The following RYR2 variants were observed in gnomAD, a reference collection of about 807,000 sequenced individuals.
RYR2 encodes the protein cardiac muscle ryanodine receptor-calcium release channel.
A neutral mutation model predicts 601.1 loss-of-function variants in RYR2; 227 were observed. The ratio of observed to expected loss-of-function variants is 0.38; its 90% CI spans 0.34 to 0.42. The LOEUF (loss-of-function observed/expected upper bound fraction) is 0.42. Among genes scored for constraint, RYR2 ranks in the 10% least tolerant of loss-of-function variants. The pLI, the probability that RYR2 is intolerant of heterozygous loss-of-function variation, is 1.00. For synonymous variants in RYR2, 2,223 were observed against 2,175.1 expected, an observed-to-expected ratio of 1.02 and a Z score of -0.61; for missense variants, 4,646 against 6,156.5, an observed-to-expected ratio of 0.75 and a Z score of 8.21.
chr1:237,767,750 C>A (rs1693952251), intron 84 of RYR2, among the ~76,000 whole-genome samples: 1 of 152,116 alleles, frequency 6.6e-6, no homozygotes, highest in Admixed American at 6.6e-5. Context: ...ATTAAAACTT[C>A]CCACATGGAA....
At chr1:237,604,629 A>G (rs1676897994) in intron 35 of RYR2, among the ~76,000 whole-genome samples, 1 of 152,214 alleles carries the variant, frequency 6.6e-6, no homozygotes, top group African/African-American at 2.4e-5. Context: ...CAATGAATCC[A>G]GGAGCTGGTT....
At chr1:237,758,974 GC>G (rs1693183937) in intron 82 of RYR2, among the ~76,000 whole-genome samples, 1 of 152,164 alleles carries the variant, frequency 6.6e-6, no homozygotes, top group African/African-American at 2.4e-5. Context: ...CATTTTAATA[GC>G]CAAATGATTC....
chr1:237,828,456 C>G lies in RYR2; in HGVS notation c.14655+11C>G. 6.5e-7 allele frequency: 1 copy of G among 1,540,030 alleles called. No homozygotes were observed. Among genetic ancestry groups the G allele is most frequent in the Non-Finnish European group, 8.8e-7 (1 of 1,134,302 alleles). ...AAAGAAGACATGGAGGTAAGCTTCT[C>G]CATTCATGACTCAGCTTCTTTGTTG... On this transcript the variant is annotated intron_variant, in intron 102 of 104. Transcript: ENST00000366574.
At chr1:237,179,650 C>G (rs1007972641) in intron 1 of RYR2, among the ~76,000 whole-genome samples, 1 of 152,126 alleles carries the variant, frequency 6.6e-6, no homozygotes, top group Admixed American at 6.5e-5. Context: ...CATACCGTCT[C>G]TCTGTATCCA....
intron 1 of RYR2, among the ~76,000 whole-genome samples, chr1:237,094,575 T>C (rs188895323): frequency 1.7e-5 from 1 of 58,130 alleles, no homozygotes; most frequent in Non-Finnish European, 4.9e-5. Context: ...TTTATAAATA[T>C]TATTATTATT....
intron 62 of RYR2, among the ~76,000 whole-genome samples, chr1:237,684,168 T>A (rs1278399249): frequency 6.6e-6 from 1 of 151,754 alleles, no homozygotes; most frequent in Non-Finnish European, 1.5e-5. Flanking sequence ...ACTCCTGACC[T>A]CAGGTGATCC....
rs144713244 is a variant in RYR2, at chr1:237,299,239, C to T, written c.168+28623C>T. Among the ~76,000 whole-genome samples the T allele has an allele frequency of 1.5e-3, 230 of 150,882 alleles. 1 individual carries two copies. The highest frequency in any genetic ancestry group is 5.3e-3 in the African/African-American group (220 of 41,308). ...AATGCTATTGCCTTTTCTTTTCCCT[C>T]TTCTTTATTCTCATGGTAGAATTAA... On this transcript the variant is annotated intron_variant, in intron 2 of 104. Coordinates refer to ENST00000366574, the MANE Select transcript of RYR2 (RefSeq NM_001035.3).
chr1:237,553,283 A>G (rs574933715), intron 27 of RYR2, among the ~76,000 whole-genome samples: 1 of 152,156 alleles, frequency 6.6e-6, no homozygotes, highest in East Asian at 1.9e-4. Context: ...CATTTGTTGC[A>G]CAGATGAATA....
chr1:237,456,829 C>A, intron 16 of RYR2, 94 bp downstream of exon 16: 2 of 1,384,522 alleles, frequency 1.4e-6, no homozygotes, highest in East Asian at 2.5e-5. Context: ...GTAATTCCAG[C>A]AATTTGGGAG....
intron 1 of RYR2, among the ~76,000 whole-genome samples, chr1:237,169,391 C>T (rs560664997): frequency 2.0e-5 from 3 of 152,058 alleles, no homozygotes; most frequent in African/African-American, 7.2e-5. Flanking sequence ...CTCCACCTCC[C>T]AGGTTCAAGC....
At chr1:237,650,573 A>G (rs758068004) in intron 50 of RYR2, among the ~76,000 whole-genome samples, 4 of 152,248 alleles carry the variant, frequency 2.6e-5, no homozygotes, top group Non-Finnish European at 5.9e-5. Flanking sequence ...CAACCTGGAA[A>G]ACCATTTCCT....
intron 77 of RYR2, 42 bp downstream of exon 77, chr1:237,730,398 C>A: frequency 1.9e-6 from 2 of 1,068,812 alleles, no homozygotes; most frequent in Non-Finnish European, 2.9e-6. Context: ...AGGGTCTAGG[C>A]TTGGTGCAGC....
intron 26 of RYR2, 49 bp downstream of exon 26, chr1:237,548,639 G>A (rs372125764): frequency 2.5e-6 from 4 of 1,593,106 alleles, no homozygotes; most frequent in African/African-American, 2.7e-5. Flanking sequence ...GTGGGAATTA[G>A]CATAATTTGT....
At chr1:237,786,838 T>C (rs1428197239) in intron 91 of RYR2, among the ~76,000 whole-genome samples, 3 of 152,238 alleles carry the variant, frequency 2.0e-5, no homozygotes, top group Non-Finnish European at 4.4e-5. Context: ...TTCTTTGGTC[T>C]GTTTTCATCG....
chr1:237,433,117 T>C (rs1014830089), intron 12 of RYR2, among the ~76,000 whole-genome samples: 7 of 152,036 alleles, frequency 4.6e-5, no homozygotes, highest in African/African-American at 1.4e-4. Context: ...GGTAGAAAAT[T>C]GGTTTTAAAA....
At chr1:237,771,874 A>G (rs1433500782) in intron 85 of RYR2, 138 bp from the exon 86 acceptor site, 1 of 600,440 alleles carries the variant, frequency 1.7e-6, no homozygotes. Flanking sequence ...AATTATTTTC[A>G]TAGTAAAACT....
chr1:237,357,623 T>G (rs564980224), intron 4 of RYR2, among the ~76,000 whole-genome samples: 54 of 152,324 alleles, frequency 3.5e-4, no homozygotes, highest in African/African-American at 1.1e-3. Context: ...TAATTTATTT[T>G]TATTTGTATT....
intron 71 of RYR2, among the ~76,000 whole-genome samples, chr1:237,712,825 A>G (rs997541855): frequency 5.3e-5 from 8 of 152,194 alleles, no homozygotes; most frequent in South Asian, 4.1e-4. Flanking sequence ...GGGGCTTTAT[A>G]TGTTTAATTC....
intron 75 of RYR2, 132 bp from the exon 76 acceptor site, chr1:237,726,955 T>A: frequency 3.5e-6 from 2 of 576,082 alleles, no homozygotes; most frequent in Non-Finnish European, 6.3e-6. Context: ...GAATTGGAAT[T>A]CCAAATATAG....
Sources: allele counts gnomAD v4.1 joint callset (sites outside exome capture counted in the v4.1 genomes callset), GRCh38; gene constraint gnomAD v4.1.1; transcripts MANE v1.5; gene names NCBI Gene and HGNC (gene_info 2026-07-23, HGNC 2026-07-21).